The following PCDHGA1 variants were observed in gnomAD, a reference collection of about 807,000 sequenced individuals.
PCDHGA1 encodes protocadherin gamma subfamily A, 1.
In PCDHGA1, 32 loss-of-function variants were observed where a neutral mutation model predicts 58.0. The observed-to-expected ratio is 0.55, with a 90% confidence interval of 0.42 to 0.74. PCDHGA1 has a LOEUF of 0.74. PCDHGA1 is among the 30% of genes least tolerant of loss of function. The pLI is 0.00. For synonymous variants in PCDHGA1, 498 were observed against 501.1 expected (o/e 0.99, Z 0.08); for missense variants, 1,205 against 1,182.3 (o/e 1.02, Z -0.28).
rs1460703461 is a variant in PCDHGA1 at position 141,490,596 on chromosome 5, C to G, written c.2422-4211C>G. 2.5e-6 allele frequency: 4 copies of G among 1,614,052 alleles called. No homozygotes were observed. The African/African-American group carries it at 4.0e-5, about 16-fold the overall frequency. On this transcript the variant is annotated intron_variant, in intron 1 of 3. Transcript: ENST00000517417. The surrounding 1 kb of genome is among the most constrained non-coding windows in gnomAD (Gnocchi z 5.4). Reference sequence around the variant, plus strand: ...TTTCAGATGTCAATGACAATGCACCCCGCTTCAACCAGCAGCTTTACACTG... The same window carrying G: ...TTTCAGATGTCAATGACAATGCACCGCGCTTCAACCAGCAGCTTTACACTG...
chr5:141,507,101 T>C (rs1341285140), intron 3 of PCDHGA1: 2 of 152,204 alleles, frequency 1.3e-5, no homozygotes, highest in African/African-American at 2.4e-5. Flanking sequence ...CTTTCTACTA[T>C]AGGGACCATG....
intron 1 of PCDHGA1, chr5:141,398,909 T>A: frequency 6.2e-7 from 1 of 1,613,984 alleles, no homozygotes; most frequent in Non-Finnish European, 8.5e-7. Context: ...GGCACCACTG[T>A]GTTGCAAGTG....
chr5:141,428,492 A>C (rs2097142759), intron 1 of PCDHGA1: 1 of 307,660 alleles, frequency 3.3e-6, no homozygotes. Flanking sequence ...TGCAATCTGT[A>C]TGTTCCCTCG....
intron 1 of PCDHGA1, chr5:141,376,398 A>C (rs1266114748): frequency 6.2e-7 from 1 of 1,614,080 alleles, no homozygotes; most frequent in Admixed American, 1.7e-5. Context: ...ATTTTCCCCC[A>C]GCCCAACTAT....
intron 1 of PCDHGA1, chr5:141,344,821 C>T (rs780866880): frequency 1.9e-6 from 3 of 1,613,800 alleles, no homozygotes; most frequent in Admixed American, 1.7e-5. Context: ...CGGCTGCTCA[C>T]GGTGAATGCC....
At chr5:141,414,899 G>T (rs756810046) in intron 1 of PCDHGA1, 1 of 1,614,182 alleles carries the variant, frequency 6.2e-7, no homozygotes, top group Non-Finnish European at 8.5e-7. Context: ...CCCACAGACG[G>T]TTCCACAGGC....
At chr5:141,388,710 G>T in intron 1 of PCDHGA1, 1 of 1,613,966 alleles carries the variant, frequency 6.2e-7, no homozygotes, top group Non-Finnish European at 8.5e-7. Context: ...TGTCAATGCC[G>T]AGATTACTTT....
intron 1 of PCDHGA1, among the ~76,000 whole-genome samples, chr5:141,473,907 C>T (rs552055360): frequency 2.0e-4 from 30 of 152,220 alleles, no homozygotes; most frequent in African/African-American, 7.2e-4. Context: ...ATGAAGAGGT[C>T]TTAAGAAAAC....
rs1176011355 is a variant in PCDHGA1, at chr5:141,485,491, G to C, written c.2422-9316G>C. Reference sequence around the variant, plus strand: ...TCAGTGCCAGCTGCATCGTGCCCCTGGAGTTTGTCACCGAAGGTCCTTTGG... The same window carrying C: ...TCAGTGCCAGCTGCATCGTGCCCCTCGAGTTTGTCACCGAAGGTCCTTTGG... On this transcript the variant is annotated intron_variant, in intron 1 of 3. Coordinates refer to ENST00000517417, the MANE Select transcript of PCDHGA1 (RefSeq NM_018912.3). This position sits in a 1 kb window ranked among gnomAD's most constrained non-coding sequence, Gnocchi z 5.7. 6.2e-7 allele frequency: 1 copy of C among 1,614,142 alleles called. No homozygotes were observed. The highest frequency in any genetic ancestry group is 1.3e-5 in the African/African-American group (1 of 75,018).
intron 1 of PCDHGA1, chr5:141,346,088 C>T: frequency 1.2e-6 from 2 of 1,613,738 alleles, no homozygotes; most frequent in Non-Finnish European, 1.7e-6. Context: ...CCAAACCCAA[C>T]GATTCGGACC....
chr5:141,346,127 C>T lies in PCDHGA1; in HGVS notation c.2421+13022C>T, dbSNP rs764043448. Reference sequence around the variant, plus strand: ...CTCTGTACCTGGTGGTGGCGGTGGCCGCGGTCTCCTGCGTCTTCCTGGCCT... The same window carrying T: ...CTCTGTACCTGGTGGTGGCGGTGGCTGCGGTCTCCTGCGTCTTCCTGGCCT... On this transcript the variant is annotated intron_variant, in intron 1 of 3. Transcript: ENST00000517417. 3.7e-6 allele frequency: 6 copies of T among 1,613,796 alleles called. No homozygotes were observed. The Admixed American group carries it at 8.3e-5, about 22-fold the overall frequency.
intron 1 of PCDHGA1, chr5:141,383,815 G>T (rs1221512502): frequency 1.2e-6 from 2 of 1,613,964 alleles, no homozygotes; most frequent in Non-Finnish European, 1.7e-6. Context: ...AACTTTAGAA[G>T]GATTAGATTA....
chr5:141,414,475 C>T (rs2095752413), intron 1 of PCDHGA1: 1 of 1,613,804 alleles, frequency 6.2e-7, no homozygotes, highest in Non-Finnish European at 8.5e-7. Flanking sequence ...TGGGGGAAGT[C>T]CTCCTCTATC....
At chr5:141,495,544 T>C (rs971374249) in intron 2 of PCDHGA1, among the ~76,000 whole-genome samples, 5 of 152,220 alleles carry the variant, frequency 3.3e-5, no homozygotes, top group African/African-American at 7.2e-5. Context: ...CCTCAGTCTC[T>C]ATCTCGCTTT....
intron 1 of PCDHGA1, chr5:141,413,717 A>C: frequency 6.2e-7 from 1 of 1,613,382 alleles, no homozygotes; most frequent in Non-Finnish European, 8.5e-7. Flanking sequence ...CCCAATAAGC[A>C]CTTCTCCCTA....
At chr5:141,424,171 C>A in intron 1 of PCDHGA1, 1 of 226,338 alleles carries the variant, frequency 4.4e-6, no homozygotes, top group Non-Finnish European at 8.0e-6. Flanking sequence ...ATCTATCTAT[C>A]TATACACATG....
chr5:141,409,233 G>A, intron 1 of PCDHGA1: 2 of 1,614,008 alleles, frequency 1.2e-6, no homozygotes, highest in Non-Finnish European at 1.7e-6. Flanking sequence ...AACGACAACA[G>A]CCCAGAAATA....
intron 1 of PCDHGA1, among the ~76,000 whole-genome samples, chr5:141,443,690 A>C (rs2098399415): frequency 6.6e-6 from 1 of 152,224 alleles, no homozygotes; most frequent in Non-Finnish European, 1.5e-5. Flanking sequence ...AACACTTCAA[A>C]AATTATAGAA....
At chr5:141,340,294 G>C in intron 1 of PCDHGA1, 1 of 1,614,156 alleles carries the variant, frequency 6.2e-7, no homozygotes, top group Non-Finnish European at 8.5e-7. Flanking sequence ...TTTTGCTCCA[G>C]GTGGCAGACA....
Sources: gnomAD v4.1 joint callset for allele counts (sites outside exome capture counted in the v4.1 genomes callset) on GRCh38, gnomAD v4.1.1 for gene constraint, Gnocchi (gnomAD v3.1) non-coding constraint, MANE v1.5 for transcripts, NCBI Gene and HGNC (gene_info 2026-07-23, HGNC 2026-07-21) for gene names.